Variants in IGSF10 observed in about 807,000 individuals in gnomAD.
The protein encoded by IGSF10 is calvaria mechanical force protein 608.
IGSF10 carries 126 observed loss-of-function variants against 128.2 expected under a neutral mutation model. That is an observed-to-expected ratio of 0.98 (90% CI 0.85 to 1.14). The LOEUF (loss-of-function observed/expected upper bound fraction) is 1.14. Among genes scored for constraint, IGSF10 ranks in the 50% most tolerant of loss-of-function variants. The pLI is 0.00. For missense variants in IGSF10, 3,295 were observed against 3,149.8 expected, an observed-to-expected ratio of 1.05 and a Z score of -1.10; for synonymous variants, 1,185 against 1,146.2, an observed-to-expected ratio of 1.03 and a Z score of -0.68.
the IGSF10 span, among the ~76,000 whole-genome samples, chr3:151,591,434 TATAA>T: frequency 6.8e-6 from 1 of 146,906 alleles, no homozygotes; most frequent in Non-Finnish European, 1.5e-5. Flanking sequence ...TATAAAAATA[TATAA>T]ATATATATAT....
At chr3:151,587,748 T>TG in the IGSF10 span, among the ~76,000 whole-genome samples, 1 of 152,206 alleles carries the variant, frequency 6.6e-6, no homozygotes, top group Non-Finnish European at 1.5e-5. Context: ...GATTGAATTA[T>TG]GGGGGCAGGT....
chr3:151,507,693 A>G, the IGSF10 span, among the ~76,000 whole-genome samples: 13 of 152,194 alleles, frequency 8.5e-5, no homozygotes, highest in African/African-American at 2.4e-4. Context: ...ACTCACTATC[A>G]TAAGAACAGC....
the IGSF10 span, among the ~76,000 whole-genome samples, chr3:151,563,494 G>A: frequency 2.2e-4 from 34 of 152,126 alleles, no homozygotes; most frequent in Non-Finnish European, 4.6e-4. Flanking sequence ...CAAATAACAC[G>A]TTTATGGATA....
chr3:151,443,474 G>A lies in IGSF10; in HGVS notation c.5473C>T (p.Pro1825Ser). ...RGFYKCVASN[P>S]GGQDSLLVKI... ...ACCAGCAGTGAATCCTGGCCACCTG[G>A]GTTGCTGGCCACACATTTGTAAAAG... The change falls in exon 7 of 8, where the codon CCA becomes TCA. Residue 1825 changes from proline (P) to serine (S), a missense_variant. Coordinates refer to ENST00000282466, the MANE Select transcript of IGSF10 (RefSeq NM_178822.5). The A allele has an allele frequency of 6.2e-7, 1 of 1,614,176 alleles. No individual in the cohort carries two copies. Among genetic ancestry groups the A allele is most frequent in the South Asian group, 1.1e-5 (1 of 91,076 alleles).
chr3:151,619,520 T>C, the IGSF10 span, among the ~76,000 whole-genome samples: 3 of 151,836 alleles, frequency 2.0e-5, no homozygotes, highest in African/African-American at 4.8e-5. Flanking sequence ...AATTTTAAGA[T>C]GGATTTATCA....
chr3:151,532,891 T>G, the IGSF10 span, among the ~76,000 whole-genome samples: 1 of 152,170 alleles, frequency 6.6e-6, no homozygotes, highest in Non-Finnish European at 1.5e-5. Flanking sequence ...TTGTCTCTAT[T>G]TGCAGATGAC....
chr3:151,458,750 G>T, intron 2 of IGSF10, 40 bp from the exon 3 acceptor site: 1 of 1,555,290 alleles, frequency 6.4e-7, no homozygotes, highest in South Asian at 1.2e-5. Flanking sequence ...AAGAGTGGTG[G>T]AGCAAAGTCC....
In IGSF10 at chr3:151,447,838, T is replaced by G; in HGVS notation, c.2143A>C (p.Thr715Pro). 1.2e-6 allele frequency: 2 copies of G among 1,614,152 alleles called. No individual in the cohort carries two copies. Among genetic ancestry groups the G allele is most frequent in the Non-Finnish European group, 1.7e-6 (2 of 1,180,016 alleles). ...TCCCGATAGTTGTGCCTCTTACTTGTGCTTGAGGTGTGTTTTCCAACCTCA... is the reference window on the plus strand; with the variant it reads ...TCCCGATAGTTGTGCCTCTTACTTGGGCTTGAGGTGTGTTTTCCAACCTCA... ...EAEVGKHTSS[T>P]SKRHNYRELT... The change falls in exon 6 of 8, where the codon ACA (threonine) becomes CCA (proline). Residue 715 changes from threonine (T) to proline (P), a missense_variant. Coordinates refer to ENST00000282466, the MANE Select transcript of IGSF10 (RefSeq NM_178822.5).
chr3:151,531,238 T>C, the IGSF10 span, among the ~76,000 whole-genome samples: 1 of 152,080 alleles, frequency 6.6e-6, no homozygotes, highest in Non-Finnish European at 1.5e-5. Flanking sequence ...ACAATAACAG[T>C]GGGAGACTTT....
At chr3:151,596,800 A>G in the IGSF10 span, among the ~76,000 whole-genome samples, 2 of 152,190 alleles carry the variant, frequency 1.3e-5, no homozygotes, top group African/African-American at 4.8e-5. Context: ...AATGGATGTT[A>G]TTAGGTGTCA....
In IGSF10 at chr3:151,446,871, C is replaced by A; in HGVS notation, c.3110G>T (p.Ser1037Ile). 2 of 1,614,172 alleles carry A rather than the reference C, an allele frequency of 1.2e-6. No homozygotes were observed. The highest frequency in any genetic ancestry group is 1.7e-6 in the Non-Finnish European group (2 of 1,180,010). Reference sequence around the variant, plus strand: ...ACCTCTGGTTGTTGACCTGAAAATGCTGTATCTATGCCGTCGCAGAACTGG... The same window carrying A: ...ACCTCTGGTTGTTGACCTGAAAATGATGTATCTATGCCGTCGCAGAACTGG... ...RTPVLRRHRY[S>I]IFRSTTRGSS... is the part of the protein sequence containing the mutation. The change falls in exon 6 of 8, where the codon AGC becomes ATC. Residue 1037 changes from serine (S) to isoleucine (I), a missense_variant. Transcript: ENST00000282466.
chr3:151,600,340 C>A, the IGSF10 span, among the ~76,000 whole-genome samples: 3 of 152,114 alleles, frequency 2.0e-5, no homozygotes, highest in Non-Finnish European at 2.9e-5. Context: ...CCTAGTCCTG[C>A]TTACCAATTC....
chr3:151,570,481 G>A, the IGSF10 span, among the ~76,000 whole-genome samples: 1 of 152,118 alleles, frequency 6.6e-6, no homozygotes, highest in Non-Finnish European at 1.5e-5. Context: ...TTCTCTGATG[G>A]CCAGTGATGA....
the IGSF10 span, among the ~76,000 whole-genome samples, chr3:151,515,722 C>CGTGTGT: frequency 1.5e-4 from 22 of 147,144 alleles, no homozygotes; most frequent in African/African-American, 5.0e-4. Context: ...AATTATATTA[C>CGTGTGT]GTGTGTGTGT....
At chr3:151,614,364 A>G in the IGSF10 span, among the ~76,000 whole-genome samples, 2 of 152,212 alleles carry the variant, frequency 1.3e-5, no homozygotes, top group Non-Finnish European at 2.9e-5. Context: ...ATAAAGACAC[A>G]TGCACACGTA....
chr3:151,459,878 CTG>C (rs1324888269), intron 2 of IGSF10, among the ~76,000 whole-genome samples: 1 of 152,268 alleles, frequency 6.6e-6, no homozygotes, highest in Non-Finnish European at 1.5e-5. Flanking sequence ...ACAAACTACA[CTG>C]AGAAATAACA....
Position 151,437,997 on chromosome 3 carries a change from A to G in IGSF10, c.6564T>C (p.Asp2188=), listed in dbSNP as rs775913299. ...PSNDMISFSI[D]RYTFHANGSL... is the part of the protein sequence containing the mutation. Reference sequence around the variant, plus strand: ...ACCCATTGGCATGAAATGTGTACCTATCAATGGAGAAGGAAATCATGTCAT... The same window carrying G: ...ACCCATTGGCATGAAATGTGTACCTGTCAATGGAGAAGGAAATCATGTCAT... Residue 2188 remains aspartate, a synonymous_variant, in exon 8 of 8, where the codon GAT becomes GAC. Transcript: ENST00000282466. The G allele has an allele frequency of 6.2e-7, 1 of 1,614,212 alleles. No homozygotes were observed. Among genetic ancestry groups the G allele is most frequent in the Non-Finnish European group, 8.5e-7 (1 of 1,180,024 alleles).
intron 4 of IGSF10, among the ~76,000 whole-genome samples, chr3:151,454,772 T>G (rs574865962): frequency 6.6e-5 from 10 of 152,132 alleles, no homozygotes; most frequent in Non-Finnish European, 8.8e-5. Flanking sequence ...GGCGGGCAGA[T>G]CACTTGAGGC....
At position 151,446,877 on chromosome 3, in the gene IGSF10, C is replaced by G. The variant is rs187467877; in HGVS notation, c.3104G>C (p.Arg1035Thr). The G allele has an allele frequency of 1.4e-4, 221 of 1,614,194 alleles. 2 individuals carry two copies. In the East Asian group the frequency reaches 2.8e-3, roughly 21 times the overall value. Residue 1035 changes from arginine to threonine, a missense_variant, in exon 6 of 8, where the codon AGA becomes ACA. By Grantham distance (71) the Arg-to-Thr change is moderately conservative. Transcript: ENST00000282466. ...GGTTGTTGACCTGAAAATGCTGTAT[C>G]TATGCCGTCGCAGAACTGGAGTTCT... ...PYRTPVLRRH[R>T]YSIFRSTTRG...
Sources: allele counts gnomAD v4.1 joint callset (sites outside exome capture counted in the v4.1 genomes callset), GRCh38; gene constraint gnomAD v4.1.1; transcripts MANE v1.5; gene names NCBI Gene and HGNC (gene_info 2026-07-23, HGNC 2026-07-21).